The following GRIK1 variants were observed in gnomAD, a reference collection of about 807,000 sequenced individuals.
GRIK1 encodes glutamate ionotropic receptor kainate type subunit 1.
GRIK1 carries 69 observed loss-of-function variants against 105.7 expected under a neutral mutation model. The ratio of observed to expected loss-of-function variants is 0.65; its 90% confidence interval spans 0.54 to 0.80. The LOEUF (loss-of-function observed/expected upper bound fraction) is 0.80. GRIK1 is among the 30% of genes least tolerant of loss of function. The probability of loss-of-function intolerance (pLI) is 0.00; values close to 1 mark genes in which losing one functional copy is unlikely to be tolerated. For synonymous variants in GRIK1, 438 were observed against 431.3 expected (o/e 1.02, Z -0.19); for missense variants, 1,109 against 1,167.3 (o/e 0.95, Z 0.73).
At chr21:29,817,565 A>G (rs2067187141) in intron 1 of GRIK1, among the ~76,000 whole-genome samples, 1 of 152,048 alleles carries the variant, frequency 6.6e-6, no homozygotes, top group Non-Finnish European at 1.5e-5. Context: ...GCTTCTAAGA[A>G]GACACCTGAG....
At chr21:29,862,501 C>T (rs2068676175) in intron 1 of GRIK1, among the ~76,000 whole-genome samples, 1 of 152,054 alleles carries the variant, frequency 6.6e-6, no homozygotes, top group Non-Finnish European at 1.5e-5. Flanking sequence ...CTCTCCATGA[C>T]CCAGCCTAGT....
chr21:29,911,672 C>T (rs1362326609), intron 1 of GRIK1, among the ~76,000 whole-genome samples: 1 of 151,870 alleles, frequency 6.6e-6, no homozygotes, highest in Non-Finnish European at 1.5e-5. Context: ...GAGTGGCAGC[C>T]CCATAATGAG....
At chr21:29,549,285 T>C (rs1255906208) in intron 16 of GRIK1, among the ~76,000 whole-genome samples, 2 of 152,236 alleles carry the variant, frequency 1.3e-5, no homozygotes, top group African/African-American at 4.8e-5. Flanking sequence ...AAGCTAGTTT[T>C]AATAAAAACT....
At chr21:29,691,146 A>G (rs1250345896) in intron 2 of GRIK1, among the ~76,000 whole-genome samples, 1 of 151,046 alleles carries the variant, frequency 6.6e-6, no homozygotes, top group Non-Finnish European at 1.5e-5. Context: ...CCCCATCTCT[A>G]ATAAAAATAC....
intron 6 of GRIK1, among the ~76,000 whole-genome samples, chr21:29,647,684 A>G (rs2062647825): frequency 1.3e-5 from 2 of 152,194 alleles, no homozygotes; most frequent in African/African-American, 4.8e-5. Context: ...ATTCTGTATT[A>G]TCCCAGTCTA....
chr21:29,746,666 G>A (rs984450264), intron 1 of GRIK1, among the ~76,000 whole-genome samples: 1 of 152,180 alleles, frequency 6.6e-6, no homozygotes, highest in African/African-American at 2.4e-5. Flanking sequence ...AAAGGACTTG[G>A]CTGATCTGAA....
At chr21:29,844,431 C>T (rs189642742) in intron 1 of GRIK1, among the ~76,000 whole-genome samples, 27 of 152,284 alleles carry the variant, frequency 1.8e-4, no homozygotes, top group African/African-American at 9.6e-5. Flanking sequence ...TTGTCTTATA[C>T]TTCTCTTCTT....
intron 1 of GRIK1, among the ~76,000 whole-genome samples, chr21:29,806,335 T>C (rs570235274): frequency 6.6e-6 from 1 of 152,144 alleles, no homozygotes; most frequent in African/African-American, 2.4e-5. Context: ...AACAAACCAA[T>C]TATCCAATTA....
At chr21:29,927,229 T>A (rs968787276) in intron 1 of GRIK1, among the ~76,000 whole-genome samples, 2 of 151,950 alleles carry the variant, frequency 1.3e-5, no homozygotes, top group African/African-American at 4.8e-5. Flanking sequence ...CAAATTGGAA[T>A]CTTATTATAT....
intron 7 of GRIK1, among the ~76,000 whole-genome samples, chr21:29,613,687 G>C (rs1188487066): frequency 6.6e-6 from 1 of 152,210 alleles, no homozygotes; most frequent in Non-Finnish European, 1.5e-5. Context: ...GGGAAAGTGA[G>C]CTGTGGCTAG....
At chr21:29,783,487 C>T (rs1294030626) in intron 1 of GRIK1, among the ~76,000 whole-genome samples, 2 of 151,862 alleles carry the variant, frequency 1.3e-5, no homozygotes, top group East Asian at 1.9e-4. Context: ...TTCAGTTTTC[C>T]TGTATTTTTA....
intron 1 of GRIK1, among the ~76,000 whole-genome samples, chr21:29,729,548 C>T (rs2064558736): frequency 6.6e-6 from 1 of 152,114 alleles, no homozygotes; most frequent in African/African-American, 2.4e-5. Context: ...AAATCCTTGC[C>T]AGGTGAGCTT....
intron 1 of GRIK1, among the ~76,000 whole-genome samples, chr21:29,782,086 CTTTT>C (rs35928677): frequency 7.3e-6 from 1 of 136,970 alleles, no homozygotes; most frequent in Non-Finnish European, 1.6e-5. Context: ...ACTGCAACAC[CTTTT>C]TTTTTTTTTT....
intron 1 of GRIK1, among the ~76,000 whole-genome samples, chr21:29,696,603 C>T (rs2063706360): frequency 6.6e-6 from 1 of 152,234 alleles, no homozygotes. Context: ...AGAGGGCTGC[C>T]TGGCGATAGG....
intron 1 of GRIK1, among the ~76,000 whole-genome samples, chr21:29,872,619 GA>G (rs1229504733): frequency 6.6e-6 from 1 of 152,072 alleles, no homozygotes; most frequent in Non-Finnish European, 1.5e-5. Context: ...TAATTTTTAA[GA>G]AAAAAGAGGT....
chr21:29,712,123 C>CACACAT (rs1491324595), intron 1 of GRIK1, among the ~76,000 whole-genome samples: 32 of 147,126 alleles, frequency 2.2e-4, no homozygotes, highest in African/African-American at 7.8e-4. Flanking sequence ...CACACACACA[C>CACACAT]ATATATATAG....
chr21:29,545,762 A>G (rs922971983), intron 16 of GRIK1, among the ~76,000 whole-genome samples: 8 of 152,166 alleles, frequency 5.3e-5, no homozygotes, highest in South Asian at 2.1e-4. Context: ...GTTTATGCCT[A>G]TGGTAGTGGG....
At chr21:29,667,213 T>C (rs1032411786) in intron 4 of GRIK1, among the ~76,000 whole-genome samples, 2 of 152,222 alleles carry the variant, frequency 1.3e-5, no homozygotes, top group African/African-American at 4.8e-5. Flanking sequence ...AGATCACAGC[T>C]GATGGTTGCT....
intron 1 of GRIK1, among the ~76,000 whole-genome samples, chr21:29,856,566 TA>T (rs2068470765): frequency 6.6e-6 from 1 of 152,160 alleles, no homozygotes; most frequent in African/African-American, 2.4e-5. Flanking sequence ...TATTCTGAAA[TA>T]TTTGCTTAGC....
Sources: gnomAD v4.1 joint callset for allele counts (sites outside exome capture counted in the v4.1 genomes callset) on GRCh38, gnomAD v4.1.1 for gene constraint, MANE v1.5 for transcripts, NCBI Gene and HGNC (gene_info 2026-07-23, HGNC 2026-07-21) for gene names.